The following UIMC1 variants were observed in gnomAD, a reference collection of about 807,000 sequenced individuals.
The protein encoded by UIMC1 is BRCA1-A complex subunit RAP80.
A neutral mutation model predicts 84.9 loss-of-function variants in UIMC1; 42 were observed. The observed-to-expected ratio is 0.49, with a 90% CI of 0.39 to 0.64. UIMC1 has a LOEUF of 0.64. Ranked by LOEUF, UIMC1 falls within the 30% of genes least tolerant of loss-of-function variation. The pLI is 0.00. For missense variants in UIMC1, 825 were observed against 847.6 expected (o/e 0.97, Z 0.33); for synonymous variants, 281 against 293.0 (o/e 0.96, Z 0.42).
Position 176,943,420 on chromosome 5 carries a change from G to T in UIMC1, c.1512C>A (p.Ser504=). ...GAAAGCATTGGTCACATAGCGGGCAGGATACCTGGTTACTGGATGAGAAGG... is the reference window on the plus strand; with the variant it reads ...GAAAGCATTGGTCACATAGCGGGCATGATACCTGGTTACTGGATGAGAAGG... ...ISTFSSSNQV[S]CPLCDQCFPP... Residue 504 remains serine (S), a synonymous_variant, in exon 10 of 15, where the codon TCC becomes TCA. Coordinates refer to ENST00000511320, the MANE Select transcript of UIMC1 (RefSeq NM_001199298.2). The T allele has an allele frequency of 6.2e-7, 1 of 1,614,166 alleles. No homozygotes were observed. The highest frequency in any genetic ancestry group is 8.5e-7 in the Non-Finnish European group (1 of 1,180,026).
At chr5:177,018,514 A>C (rs1024635360) in intron 1 of UIMC1, among the ~76,000 whole-genome samples, 2 of 152,190 alleles carry the variant, frequency 1.3e-5, no homozygotes, top group African/African-American at 4.8e-5. Context: ...CCCGTCCCTT[A>C]GCAAAGTCAT....
intron 1 of UIMC1, among the ~76,000 whole-genome samples, chr5:176,989,868 C>A (rs1310368278): frequency 6.6e-6 from 1 of 151,790 alleles, no homozygotes; most frequent in East Asian, 1.9e-4. Context: ...GACATCTAAT[C>A]CCCAATGTGT....
At chr5:177,005,880 G>A (rs754000609) in intron 1 of UIMC1, among the ~76,000 whole-genome samples, 1 of 152,092 alleles carries the variant, frequency 6.6e-6, no homozygotes, top group Non-Finnish European at 1.5e-5. Context: ...TTAACTGAGC[G>A]GCAGGGCACC....
chr5:176,943,610 A>AT (rs1764723772), intron 9 of UIMC1, 122 bp from the exon 10 acceptor site: 1 of 1,236,068 alleles, frequency 8.1e-7, no homozygotes, highest in African/African-American at 1.5e-5. Context: ...AGCTTATCAA[A>AT]TTCAGGAGTA....
intron 6 of UIMC1, among the ~76,000 whole-genome samples, chr5:176,967,992 A>T (rs1768569308): frequency 1.3e-5 from 2 of 152,190 alleles, no homozygotes; most frequent in South Asian, 4.1e-4. Flanking sequence ...ATCTAAGATA[A>T]ACTATAAAGT....
At chr5:176,914,434 A>T (rs574469576) in intron 10 of UIMC1, among the ~76,000 whole-genome samples, 9 of 152,318 alleles carry the variant, frequency 5.9e-5, no homozygotes, top group Middle Eastern at 3.4e-3. Flanking sequence ...CTTTCCTTTA[A>T]ATAATTAAGC....
intron 6 of UIMC1, among the ~76,000 whole-genome samples, chr5:176,958,839 G>A (rs893876623): frequency 7.2e-5 from 11 of 152,196 alleles, no homozygotes; most frequent in African/African-American, 1.7e-4. Context: ...TAGAGTTGAC[G>A]CAAATACCAA....
intron 1 of UIMC1, among the ~76,000 whole-genome samples, chr5:177,015,606 C>T (rs1775653040): frequency 6.6e-6 from 1 of 152,162 alleles, no homozygotes; most frequent in African/African-American, 2.4e-5. Context: ...TCTATGTGGA[C>T]TATAATGGAG....
At position 176,969,618 on chromosome 5, in the gene UIMC1, T is replaced by C. The variant is rs1768892633; in HGVS notation, c.446A>G (p.Asp149Gly). 1 of 1,613,824 alleles carries C rather than the reference T, an allele frequency of 6.2e-7. No individual in the cohort carries two copies. The highest frequency in any genetic ancestry group is 2.2e-5 in the East Asian group (1 of 44,866). ...AGACATGCCTTCAGTGAGCCCAGAG[T>C]CTGTGGTTTTCTCTTGATGGGACTG... ...SSQSHQEKTTDSGLTEGIWQL... is the reference protein window; with the variant it reads ...SSQSHQEKTTGSGLTEGIWQL... The change falls in exon 5 of 15, where the codon GAC becomes GGC. Residue 149 changes from aspartate to glycine, a missense_variant. Asp to Gly is a moderately conservative substitution (Grantham distance 94). Coordinates refer to ENST00000511320, the MANE Select transcript of UIMC1 (RefSeq NM_001199298.2).
At chr5:176,995,182 T>C (rs999754101) in intron 1 of UIMC1, among the ~76,000 whole-genome samples, 1 of 152,128 alleles carries the variant, frequency 6.6e-6, no homozygotes, top group Admixed American at 6.6e-5. Context: ...AAAACTTGTA[T>C]ATGTATGTTC....
intron 9 of UIMC1, 131 bp from the exon 10 acceptor site, chr5:176,943,619 T>A: frequency 8.5e-7 from 1 of 1,178,050 alleles, no homozygotes; most frequent in Non-Finnish European, 1.2e-6. Context: ...AATTCAGGAG[T>A]AAAGATTGAG....
chr5:176,944,630 G>C lies in UIMC1; in HGVS notation c.1444-1142C>G, dbSNP rs552937652. On this transcript the variant is annotated intron_variant, in intron 9 of 14. Transcript: ENST00000511320. ...ATCTTCTGATACAAGAACAAAACAC[G>C]ACCAAAACTTCAATGCATAGAAAAT... Among the ~76,000 whole-genome samples the C allele has an allele frequency of 2.6e-5, 4 of 152,112 alleles. No homozygotes were observed. In the East Asian group the frequency reaches 7.7e-4, roughly 29 times the overall value.
At chr5:176,922,443 G>A (rs1761822161) in intron 10 of UIMC1, among the ~76,000 whole-genome samples, 1 of 152,134 alleles carries the variant, frequency 6.6e-6, no homozygotes, top group Admixed American at 6.5e-5. Context: ...CAGTCACAAG[G>A]TTTGCTTCTC....
At chr5:176,927,474 G>A (rs769835695) in intron 10 of UIMC1, among the ~76,000 whole-genome samples, 9 of 151,972 alleles carry the variant, frequency 5.9e-5, no homozygotes, top group Non-Finnish European at 1.2e-4. Flanking sequence ...GGCTGGCCTT[G>A]AACTCCTGAC....
At chr5:176,980,377 T>C (rs898125059) in intron 2 of UIMC1, 2 of 152,156 alleles carry the variant, frequency 1.3e-5, no homozygotes, top group Non-Finnish European at 2.9e-5. Flanking sequence ...ATTGGTTCCA[T>C]GTCTCTGGAG....
chr5:176,912,579 T>C (rs1301234124), intron 10 of UIMC1, among the ~76,000 whole-genome samples: 1 of 151,958 alleles, frequency 6.6e-6, no homozygotes, highest in Non-Finnish European at 1.5e-5. Context: ...TTCAAGTGAT[T>C]CTCCTGCCTC....
At chr5:176,965,149 C>T (rs1039984839) in intron 6 of UIMC1, among the ~76,000 whole-genome samples, 3 of 152,278 alleles carry the variant, frequency 2.0e-5, no homozygotes, top group East Asian at 3.9e-4. Context: ...AAGCCAGGCG[C>T]GGTGGCTCAC....
At chr5:177,015,027 G>A (rs550421910) in intron 1 of UIMC1, among the ~76,000 whole-genome samples, 1 of 152,328 alleles carries the variant, frequency 6.6e-6, no homozygotes, top group South Asian at 2.1e-4. Flanking sequence ...GAGGTCAGGA[G>A]TTTGAGACCG....
intron 10 of UIMC1, among the ~76,000 whole-genome samples, chr5:176,927,392 T>G (rs529765984): frequency 6.6e-6 from 1 of 151,986 alleles, no homozygotes; most frequent in South Asian, 2.1e-4. Flanking sequence ...TAGCTGAGAT[T>G]ACAGGTGTGC....
Sources: allele counts gnomAD v4.1 joint callset (sites outside exome capture counted in the v4.1 genomes callset), GRCh38; gene constraint gnomAD v4.1.1; transcripts MANE v1.5; gene names NCBI Gene and HGNC (gene_info 2026-07-23, HGNC 2026-07-21).